ANKH: variants seen among roughly 807,000 people sequenced by gnomAD.
The protein encoded by ANKH is mineralization regulator ANKH.
In ANKH, 15 loss-of-function variants were observed where a neutral mutation model predicts 49.0. The observed-to-expected ratio is 0.31, with a 90% confidence interval of 0.20 to 0.47. The LOEUF is 0.47. ANKH is among the 20% of genes least tolerant of loss of function. ANKH has a pLI of 1.00. For missense variants in ANKH, 429 were observed against 652.0 expected, an observed-to-expected ratio of 0.66 and a Z score of 3.72; for synonymous variants, 273 against 260.0, an observed-to-expected ratio of 1.05 and a Z score of -0.48.
chr5:14,816,488 G>C (rs140325034), intron 1 of ANKH, among the ~76,000 whole-genome samples: 2 of 152,140 alleles, frequency 1.3e-5, no homozygotes, highest in Non-Finnish European at 2.9e-5. Context: ...CCCAGCATGA[G>C]AGGAAGGGGA....
intron 1 of ANKH, among the ~76,000 whole-genome samples, chr5:14,777,854 G>A (rs1269459749): frequency 8.5e-5 from 13 of 152,152 alleles, no homozygotes; most frequent in Admixed American, 8.5e-4. Context: ...TACATAAGTT[G>A]GGCCCATGAG....
At chr5:14,867,343 T>C (rs530152135) in intron 1 of ANKH, among the ~76,000 whole-genome samples, 4 of 152,114 alleles carry the variant, frequency 2.6e-5, no homozygotes, top group Non-Finnish European at 5.9e-5. Flanking sequence ...AGCGTAGGCC[T>C]CTCATTGTTT....
chr5:14,729,254 T>C (rs1366985465), intron 8 of ANKH, among the ~76,000 whole-genome samples: 1 of 151,986 alleles, frequency 6.6e-6, no homozygotes, highest in Non-Finnish European at 1.5e-5. Flanking sequence ...GGTTTCTCCA[T>C]GTTGGGCAGG....
At chr5:14,827,658 T>C (rs1741382422) in intron 1 of ANKH, among the ~76,000 whole-genome samples, 1 of 152,222 alleles carries the variant, frequency 6.6e-6, no homozygotes, top group South Asian at 2.1e-4. Context: ...GGCTTCCTAG[T>C]GCTTCCAACT....
chr5:14,709,980 C>G lies in ANKH; in HGVS notation c.*1217G>C, dbSNP rs1315439054. The G allele has an allele frequency of 6.6e-6, 1 of 152,048 alleles. No homozygotes were observed. Among genetic ancestry groups the G allele is most frequent in the Middle Eastern group, 3.2e-3 (1 of 316 alleles). 9.4% of individuals were successfully genotyped at this position (152,048 alleles called of 1,614,324 possible). On this transcript the variant is annotated 3_prime_UTR_variant, in exon 12 of 12. Coordinates refer to ENST00000284268, the MANE Select transcript of ANKH (RefSeq NM_054027.6). Reference sequence around the variant, plus strand: ...ACTAAATCAATTTAGTGAACCGTGTCTATAATTTTTTTAAAGGAAAAAACC... The same window carrying G: ...ACTAAATCAATTTAGTGAACCGTGTGTATAATTTTTTTAAAGGAAAAAACC...
chr5:14,826,124 G>A (rs1741334827), intron 1 of ANKH: 1 of 153,598 alleles, frequency 6.5e-6, no homozygotes, highest in Admixed American at 6.5e-5. Context: ...ACCATAGCAT[G>A]TTTCTCTAAG....
intron 1 of ANKH, among the ~76,000 whole-genome samples, chr5:14,829,812 A>T (rs1243570804): frequency 2.0e-5 from 3 of 152,264 alleles, no homozygotes; most frequent in Admixed American, 1.3e-4. Flanking sequence ...GACATAAAAC[A>T]TGAATACCTT....
intron 1 of ANKH, among the ~76,000 whole-genome samples, chr5:14,837,805 C>T (rs1056195441): frequency 1.3e-5 from 2 of 152,204 alleles, no homozygotes; most frequent in African/African-American, 4.8e-5. Flanking sequence ...AATCATGCTG[C>T]TATAAAGACA....
intron 1 of ANKH, chr5:14,797,860 A>G: frequency 1.2e-6 from 2 of 1,611,800 alleles, no homozygotes; most frequent in Non-Finnish European, 1.7e-6. Context: ...GAAAGCCCAT[A>G]GCCTTCCTTC....
intron 8 of ANKH, chr5:14,724,603 C>A (rs986536892): frequency 2.0e-6 from 2 of 985,222 alleles, no homozygotes; most frequent in Non-Finnish European, 2.4e-6. Context: ...AGCTAAGAAC[C>A]ACGGAAGGGG....
intron 7 of ANKH, among the ~76,000 whole-genome samples, chr5:14,742,748 C>T (rs1738404754): frequency 6.6e-6 from 1 of 150,736 alleles, no homozygotes; most frequent in South Asian, 2.1e-4. Context: ...GAAAAGATGC[C>T]CCAAGAACAC....
intron 8 of ANKH, among the ~76,000 whole-genome samples, chr5:14,727,481 T>A (rs79970030): frequency 0.067 from 10,177 of 151,082 alleles, 365 homozygotes; most frequent in Non-Finnish European, 0.095. Flanking sequence ...CTTACTAATC[T>A]AGTAATGCCG....
chr5:14,832,231 C>T (rs1741526533), intron 1 of ANKH, among the ~76,000 whole-genome samples: 1 of 152,114 alleles, frequency 6.6e-6, no homozygotes, highest in South Asian at 2.1e-4. Flanking sequence ...AATTTAAAAA[C>T]TAAAAACATA....
intron 1 of ANKH, among the ~76,000 whole-genome samples, chr5:14,809,285 T>C (rs868428328): frequency 8.9e-4 from 101 of 113,712 alleles, no homozygotes; most frequent in Middle Eastern, 6.3e-3. Context: ...TGTATGCATA[T>C]GTAACTAACC....
chr5:14,774,445 T>G (rs930135488), intron 1 of ANKH, among the ~76,000 whole-genome samples: 1 of 152,094 alleles, frequency 6.6e-6, no homozygotes, highest in Non-Finnish European at 1.5e-5. Flanking sequence ...ATTATTATTA[T>G]TTTTTTCCTC....
At chr5:14,836,439 T>C (rs1741656139) in intron 1 of ANKH, among the ~76,000 whole-genome samples, 1 of 152,234 alleles carries the variant, frequency 6.6e-6, no homozygotes, top group African/African-American at 2.4e-5. Context: ...ACAAAATCAA[T>C]GTGCAAAAAT....
chr5:14,846,972 C>A (rs558736981), intron 1 of ANKH, among the ~76,000 whole-genome samples: 4 of 145,826 alleles, frequency 2.7e-5, no homozygotes, highest in East Asian at 2.1e-4. Flanking sequence ...CATGCCACTG[C>A]GGTCCAGCCT....
chr5:14,758,760 A>ACC (rs1261824248), intron 2 of ANKH, among the ~76,000 whole-genome samples, 162 bp from the exon 3 acceptor site: 2 of 152,200 alleles, frequency 1.3e-5, no homozygotes, highest in African/African-American at 4.8e-5. Context: ...TCATCCCTCT[A>ACC]CCCAGAGTGG....
intron 1 of ANKH, among the ~76,000 whole-genome samples, chr5:14,817,223 C>T (rs1422579197): frequency 6.6e-6 from 1 of 152,056 alleles, no homozygotes; most frequent in Non-Finnish European, 1.5e-5. Flanking sequence ...ATTTTGGCAG[C>T]CCTGTGTGGA....
Sources: gnomAD v4.1 joint callset for allele counts (sites outside exome capture counted in the v4.1 genomes callset) on GRCh38, gnomAD v4.1.1 for gene constraint, MANE v1.5 for transcripts, NCBI Gene and HGNC (gene_info 2026-07-23, HGNC 2026-07-21) for gene names.